BACE2: variants seen among roughly 807,000 people sequenced by gnomAD.
BACE2 encodes beta-secretase 2, also known as 56 kDa aspartic-like protease.
In BACE2, 17 loss-of-function variants were observed where a neutral mutation model predicts 46.2. The observed-to-expected ratio is 0.37, with a 90% confidence interval of 0.25 to 0.55. The LOEUF (loss-of-function observed/expected upper bound fraction) is 0.55, where lower values mean the gene tolerates loss of function less well. Ranked by LOEUF, BACE2 falls within the 20% of genes least tolerant of loss-of-function variation. The pLI, the probability that BACE2 is intolerant of heterozygous loss-of-function variation, is 0.82. For synonymous variants in BACE2, 277 were observed against 295.9 expected, an observed-to-expected ratio of 0.94 and a Z score of 0.66; for missense variants, 595 against 698.1, an observed-to-expected ratio of 0.85 and a Z score of 1.66.
intron 8 of BACE2, among the ~76,000 whole-genome samples, chr21:41,264,109 A>G (rs746117586): frequency 2.0e-5 from 3 of 152,282 alleles, no homozygotes; most frequent in Admixed American, 6.5e-5. Flanking sequence ...CTGTTCAGCT[A>G]TGTTCAATCT....
At chr21:41,220,011 G>A (rs1016646004) in intron 1 of BACE2, among the ~76,000 whole-genome samples, 4 of 152,126 alleles carry the variant, frequency 2.6e-5, no homozygotes, top group Admixed American at 1.3e-4. Flanking sequence ...TGCGAGCTCC[G>A]GGTCATTGCC....
rs146322928 is a variant in BACE2 at position 41,171,093 on chromosome 21, G to A, written c.312+2518G>A. 9.0e-3 allele frequency among the ~76,000 whole-genome samples: 1,376 copies of A among 152,354 alleles called. 7 individuals are homozygous for A. Among genetic ancestry groups the A allele is most frequent in the Middle Eastern group, 0.017 (5 of 294 alleles). ...CGACTTCCTTCCCTTCATGCCTCCT[G>A]ATCTCTTTGGTTTTGGCCTCAAACT... is the stretch of plus-strand genomic sequence containing the variant. On this transcript the variant is annotated intron_variant, in intron 1 of 8. Coordinates refer to ENST00000330333, the MANE Select transcript of BACE2 (RefSeq NM_012105.5).
intron 1 of BACE2, among the ~76,000 whole-genome samples, chr21:41,198,924 A>C (rs950978115): frequency 6.6e-6 from 1 of 151,338 alleles, no homozygotes; most frequent in Non-Finnish European, 1.5e-5. Context: ...TACAATGTGC[A>C]GGTTTGTTAC....
At chr21:41,232,919 A>G (rs975207938) in intron 2 of BACE2, among the ~76,000 whole-genome samples, 3 of 142,436 alleles carry the variant, frequency 2.1e-5, no homozygotes, top group Admixed American at 7.3e-5. Context: ...CCCAGGCTGG[A>G]GTGCAGTGGC....
At chr21:41,218,869 C>CTTT (rs60516597) in intron 1 of BACE2, among the ~76,000 whole-genome samples, 41,964 of 144,714 alleles carry the variant, frequency 0.29, 6,499 homozygotes, top group Non-Finnish European at 0.34. Flanking sequence ...AACATCTTGA[C>CTTT]TTTTTTTTTT....
At chr21:41,254,661 C>T (rs1399130264) in intron 7 of BACE2, among the ~76,000 whole-genome samples, 1 of 152,226 alleles carries the variant, frequency 6.6e-6, no homozygotes, top group African/African-American at 2.4e-5. Flanking sequence ...TTGATTTGCT[C>T]ACTGATTGTG....
Position 41,275,632 on chromosome 21 carries a change from G to T in BACE2, c.*8G>T. The T allele has an allele frequency of 2.5e-6, 4 of 1,612,864 alleles. No individual in the cohort carries two copies. The highest frequency in any genetic ancestry group is 3.4e-6 in the Non-Finnish European group (4 of 1,179,348). ...AGACATCGCTGGAAATGAATAGCCA[G>T]GCCTGACCTCAAGCAACCATGAACT... On this transcript the variant is annotated 3_prime_UTR_variant, in exon 9 of 9. Transcript: ENST00000330333.
chr21:41,240,586 C>T (rs1987257506), intron 3 of BACE2, among the ~76,000 whole-genome samples: 1 of 152,222 alleles, frequency 6.6e-6, no homozygotes, highest in Non-Finnish European at 1.5e-5. Context: ...GAGCCTGTCT[C>T]CCATCGTGTT....
In BACE2 at chr21:41,240,755, C is replaced by T. The variant is rs1027507083; in HGVS notation, c.619-1064C>T. Reference sequence around the variant, plus strand: ...TTGCATATGGAAATCGTGCTAGATTCTGCCTCGGAATTCTGCAGAAGCTGA... The same window carrying T: ...TTGCATATGGAAATCGTGCTAGATTTTGCCTCGGAATTCTGCAGAAGCTGA... On this transcript the variant is annotated intron_variant, in intron 3 of 8. Coordinates refer to ENST00000330333, the MANE Select transcript of BACE2 (RefSeq NM_012105.5). 5.9e-5 allele frequency among the ~76,000 whole-genome samples: 9 copies of T among 152,320 alleles called. No individual in the cohort carries two copies. In the East Asian group the frequency reaches 9.7e-4, roughly 16 times the overall value.
At position 41,257,289 on chromosome 21, in the gene BACE2, C is replaced by G. The variant is rs768655970; in HGVS notation, c.1266C>G (p.Ala422=). Reference sequence around the variant, plus strand: ...GCTTCTACGTCATCTTCGACAGAGCCCAGAAGAGGGTGGGCTTCGCAGCGA... The same window carrying G: ...GCTTCTACGTCATCTTCGACAGAGCGCAGAAGAGGGTGGGCTTCGCAGCGA... ...MEGFYVIFDR[A]QKRVGFAASP... is the part of the protein sequence containing the mutation. The change falls in exon 8 of 9, where the codon GCC becomes GCG. Residue 422 remains alanine, a synonymous_variant. Coordinates refer to ENST00000330333, the MANE Select transcript of BACE2 (RefSeq NM_012105.5). 6.2e-7 allele frequency: 1 copy of G among 1,614,088 alleles called. No individual in the cohort carries two copies. Among genetic ancestry groups the G allele is most frequent in the Non-Finnish European group, 8.5e-7 (1 of 1,180,026 alleles).
chr21:41,247,575 C>T (rs1373677310), intron 6 of BACE2, among the ~76,000 whole-genome samples: 1 of 152,204 alleles, frequency 6.6e-6, no homozygotes, highest in East Asian at 1.9e-4. Context: ...GTCTGTCCAC[C>T]ATCCCGAGGA....
At chr21:41,188,158 G>T (rs9978829) in intron 1 of BACE2, among the ~76,000 whole-genome samples, 6,183 of 152,118 alleles carry the variant, frequency 0.041, 206 homozygotes, top group African/African-American at 0.092. Context: ...CAGAATGGTC[G>T]GGCTGCAGGC....
intron 8 of BACE2, among the ~76,000 whole-genome samples, chr21:41,264,013 C>T (rs540869691): frequency 6.6e-6 from 1 of 152,208 alleles, no homozygotes; most frequent in East Asian, 1.9e-4. Context: ...ATTTCAGGTC[C>T]CTTGACCCTT....
intron 1 of BACE2, among the ~76,000 whole-genome samples, chr21:41,192,776 G>C (rs374675629): frequency 6.6e-6 from 1 of 152,210 alleles, no homozygotes; most frequent in East Asian, 1.9e-4. Context: ...ACTCAAAATT[G>C]GCAGCCTTTC....
chr21:41,195,522 G>A (rs73902948), intron 1 of BACE2, among the ~76,000 whole-genome samples: 2,251 of 152,258 alleles, frequency 0.015, 55 homozygotes, highest in African/African-American at 0.052. Flanking sequence ...TTCAATTTTA[G>A]TGAAGTCAGC....
At chr21:41,175,255 T>A (rs1984777225) in intron 1 of BACE2, 2 of 152,234 alleles carry the variant, frequency 1.3e-5, no homozygotes, top group South Asian at 4.1e-4. Flanking sequence ...ATTTTTATTA[T>A]ATGGCAATCA....
intron 1 of BACE2, chr21:41,182,297 T>C (rs1985160811): frequency 6.0e-6 from 1 of 167,108 alleles, no homozygotes; most frequent in South Asian, 2.1e-4. Context: ...CCCAAGTAGG[T>C]GTTCCCTGAA....
chr21:41,224,004 G>A (rs1161053130), intron 1 of BACE2, among the ~76,000 whole-genome samples: 1 of 152,096 alleles, frequency 6.6e-6, no homozygotes, highest in Non-Finnish European at 1.5e-5. Flanking sequence ...AAAGTGAGGA[G>A]TCAGAGAAGG....
intron 1 of BACE2, chr21:41,185,131 T>G (rs1407461038): frequency 6.0e-6 from 1 of 167,094 alleles, no homozygotes; most frequent in Admixed American, 6.5e-5. Context: ...AGGGTTTTAT[T>G]AGCCCAAGTT....
Sources: allele counts gnomAD v4.1 joint callset (sites outside exome capture counted in the v4.1 genomes callset), GRCh38; gene constraint gnomAD v4.1.1; transcripts MANE v1.5; gene names NCBI Gene and HGNC (gene_info 2026-07-23, HGNC 2026-07-21).